Variants in LRFN2 observed in about 807,000 individuals in gnomAD.
LRFN2 encodes leucine-rich repeat and fibronectin type-III domain-containing protein 2.
Under a neutral mutation model 37.3 loss-of-function variants are expected in LRFN2, and 18 were observed. That is an observed-to-expected ratio of 0.48 (90% CI 0.33 to 0.72). The LOEUF (loss-of-function observed/expected upper bound fraction) is 0.72. Ranked by LOEUF, LRFN2 falls within the 30% of genes least tolerant of loss-of-function variation. The pLI is 0.02. For missense variants in LRFN2, 1,006 were observed against 1,060.7 expected, an observed-to-expected ratio of 0.95 and a Z score of 0.72; for synonymous variants, 556 against 466.6, an observed-to-expected ratio of 1.19 and a Z score of -2.47.
chr6:40,400,556 G>C (rs1027114720), intron 2 of LRFN2, among the ~76,000 whole-genome samples: 5 of 151,184 alleles, frequency 3.3e-5, no homozygotes, highest in Admixed American at 3.3e-4. Flanking sequence ...GAGTAGCTGA[G>C]ATTACAGGCA....
At chr6:40,465,440 A>G (rs1764437625) in intron 1 of LRFN2, among the ~76,000 whole-genome samples, 1 of 152,248 alleles carries the variant, frequency 6.6e-6, no homozygotes, top group Non-Finnish European at 1.5e-5. Flanking sequence ...TGACTTGCTT[A>G]TGAGCAGCCC....
In LRFN2 at chr6:40,392,509, C is replaced by T. The variant is rs200557868; in HGVS notation, c.1804G>A (p.Val602Met). Residue 602 changes from valine to methionine, a missense_variant, in exon 3 of 3, where the codon GTG becomes ATG. Coordinates refer to ENST00000338305, the MANE Select transcript of LRFN2 (RefSeq NM_020737.3). The surrounding 1 kb of genome is among the most constrained non-coding windows in gnomAD (Gnocchi z 4.7). Reference protein sequence around the residue: ...AGAPPQGPPKVVVRNELLDFT... With the variant: ...AGAPPQGPPKMVVRNELLDFT... ...TCCAGGAGCTCGTTGCGCACCACCA[C>T]CTTCGGCGGGCCCTGCGGCGGGGCC... The T allele has an allele frequency of 3.7e-5, 59 of 1,587,250 alleles. No individual in the cohort carries two copies. The East Asian group carries it at 1.3e-3, about 34-fold the overall frequency.
intron 1 of LRFN2, among the ~76,000 whole-genome samples, chr6:40,481,376 A>G (rs775229940): frequency 1.3e-4 from 20 of 149,490 alleles, no homozygotes; most frequent in Non-Finnish European, 2.2e-4. Flanking sequence ...CAGAAGTTGC[A>G]GTAAGCAGTG....
At chr6:40,547,477 T>C (rs1326075588) in intron 1 of LRFN2, among the ~76,000 whole-genome samples, 1 of 152,158 alleles carries the variant, frequency 6.6e-6, no homozygotes, top group Non-Finnish European at 1.5e-5. Context: ...ACCTGCTCTA[T>C]TACACCATTT....
At chr6:40,556,435 T>C (rs1356310497) in intron 1 of LRFN2, among the ~76,000 whole-genome samples, 1 of 152,150 alleles carries the variant, frequency 6.6e-6, no homozygotes, top group Non-Finnish European at 1.5e-5. Context: ...AAGCCCCACC[T>C]GCACTTCTGA....
intron 1 of LRFN2, among the ~76,000 whole-genome samples, chr6:40,467,543 A>G (rs1764498237): frequency 6.6e-6 from 1 of 152,190 alleles, no homozygotes; most frequent in Non-Finnish European, 1.5e-5. Context: ...GGCAAAGTCC[A>G]GAGTAGCAAT....
At chr6:40,407,024 T>A (rs556184610) in intron 2 of LRFN2, among the ~76,000 whole-genome samples, 1 of 152,282 alleles carries the variant, frequency 6.6e-6, no homozygotes, top group East Asian at 1.9e-4. Flanking sequence ...AGAAGCCACA[T>A]CCCACTGGTG....
At chr6:40,571,499 C>A (rs746570716) in intron 1 of LRFN2, among the ~76,000 whole-genome samples, 1 of 152,186 alleles carries the variant, frequency 6.6e-6, no homozygotes, top group Non-Finnish European at 1.5e-5. Flanking sequence ...TAACCCCCAG[C>A]AAACCCCATA....
chr6:40,567,800 G>A (rs997734702), intron 1 of LRFN2, among the ~76,000 whole-genome samples: 2 of 152,186 alleles, frequency 1.3e-5, no homozygotes, highest in Non-Finnish European at 2.9e-5. Flanking sequence ...CAGGGTCAAG[G>A]GGCAGACCTG....
At chr6:40,428,892 C>T (rs142554013) in intron 2 of LRFN2, among the ~76,000 whole-genome samples, 165 of 152,244 alleles carry the variant, frequency 1.1e-3, no homozygotes, top group Non-Finnish European at 3.7e-4. Flanking sequence ...ATCTAAACTT[C>T]CTCTTCCATT....
chr6:40,509,601 T>C (rs7750396), intron 1 of LRFN2, among the ~76,000 whole-genome samples: 2 of 143,634 alleles, frequency 1.4e-5, no homozygotes, highest in African/African-American at 5.2e-5. Context: ...CCAGGGAATA[T>C]TGGGCTATGA....
intron 1 of LRFN2, among the ~76,000 whole-genome samples, chr6:40,580,042 T>C (rs189698615): frequency 1.1e-3 from 172 of 152,256 alleles, no homozygotes; most frequent in African/African-American, 3.7e-3. Flanking sequence ...ACAGAAGCTA[T>C]AGCCTCAAGA....
chr6:40,444,224 T>C (rs1763910951), intron 1 of LRFN2, among the ~76,000 whole-genome samples: 1 of 152,068 alleles, frequency 6.6e-6, no homozygotes, highest in East Asian at 1.9e-4. Context: ...CAATGAGTTA[T>C]TGGATAATTA....
At chr6:40,405,585 G>A (rs905860657) in intron 2 of LRFN2, among the ~76,000 whole-genome samples, 2 of 152,146 alleles carry the variant, frequency 1.3e-5, no homozygotes, top group South Asian at 2.1e-4. Context: ...CTCTGATGGT[G>A]GAAATCCAGG....
intron 1 of LRFN2, among the ~76,000 whole-genome samples, chr6:40,583,438 T>C (rs1241955424): frequency 6.6e-6 from 1 of 152,192 alleles, no homozygotes; most frequent in African/African-American, 2.4e-5. Flanking sequence ...AGTGTCCACC[T>C]GCCTGGCCTG....
chr6:40,472,146 A>G (rs929264364), intron 1 of LRFN2, among the ~76,000 whole-genome samples: 1 of 151,986 alleles, frequency 6.6e-6, no homozygotes, highest in Non-Finnish European at 1.5e-5. Context: ...TCCCCGGTCA[A>G]CCCCTGCACT....
At chr6:40,513,454 G>A (rs950281600) in intron 1 of LRFN2, among the ~76,000 whole-genome samples, 3 of 151,950 alleles carry the variant, frequency 2.0e-5, no homozygotes, top group African/African-American at 7.3e-5. Flanking sequence ...TGCTGGTCTC[G>A]AACACCTCAC....
At chr6:40,475,047 G>C (rs1439552217) in intron 1 of LRFN2, among the ~76,000 whole-genome samples, 1 of 152,132 alleles carries the variant, frequency 6.6e-6, no homozygotes, top group African/African-American at 2.4e-5. Context: ...GGAGACTAGG[G>C]CTTCATGAGT....
At chr6:40,571,982 A>AG (rs1159880885) in intron 1 of LRFN2, among the ~76,000 whole-genome samples, 6 of 152,226 alleles carry the variant, frequency 3.9e-5, no homozygotes, top group East Asian at 1.9e-4. Flanking sequence ...TCTCCAAAAC[A>AG]GGGGGGGCTC....
Sources: allele counts gnomAD v4.1 joint callset (sites outside exome capture counted in the v4.1 genomes callset), GRCh38; gene constraint gnomAD v4.1.1; non-coding constraint Gnocchi (gnomAD v3.1); transcripts MANE v1.5; gene names NCBI Gene and HGNC (gene_info 2026-07-23, HGNC 2026-07-21).